The following GPM6B variants were observed in gnomAD, a reference collection of about 807,000 sequenced individuals.
GPM6B encodes the protein neuronal membrane glycoprotein M6-b.
A neutral mutation model predicts 27.2 loss-of-function variants in GPM6B; 4 were observed. The observed-to-expected ratio is 0.15, with a 90% CI of 0.07 to 0.34. GPM6B has a LOEUF of 0.34. GPM6B is among the 10% of genes least tolerant of loss of function. The pLI is 1.00. For synonymous variants in GPM6B, 124 were observed against 103.1 expected (o/e 1.20, Z -1.23); for missense variants, 183 against 261.9 (o/e 0.70, Z 2.08).
chrX:13,788,012 A>G (rs998007490), intron 2 of GPM6B, among the ~76,000 whole-genome samples: 36 of 112,315 alleles, frequency 3.2e-4, no homozygotes, highest in African/African-American at 1.0e-3. Context: ...ATAAAATGAA[A>G]ATTTCAGGTC....
chrX:13,803,108 G>C (rs903622568), intron 2 of GPM6B, among the ~76,000 whole-genome samples: 1 of 111,874 alleles, frequency 8.9e-6, no homozygotes, highest in African/African-American at 3.2e-5. Flanking sequence ...AAATCCAGTA[G>C]CATTTCCCAG....
At chrX:13,786,632 T>G (rs1167115061) in intron 2 of GPM6B, among the ~76,000 whole-genome samples, 1 of 109,534 alleles carries the variant, frequency 9.1e-6, no homozygotes, top group Non-Finnish European at 1.9e-5. Context: ...CCAGAACTGG[T>G]GGGTGATATT....
intron 1 of GPM6B, among the ~76,000 whole-genome samples, chrX:13,813,196 C>G (rs2147191604): frequency 9.1e-6 from 1 of 110,289 alleles, no homozygotes; most frequent in Non-Finnish European, 1.9e-5. Context: ...TTTAATCACA[C>G]AAGTCGTATA....
chrX:13,831,382 C>G (rs1372332137), intron 1 of GPM6B, among the ~76,000 whole-genome samples: 3 of 111,387 alleles, frequency 2.7e-5, no homozygotes. Flanking sequence ...GGCTCTGTCA[C>G]TTGCCAGTCA....
chrX:13,799,039 G>C (rs758186320), intron 2 of GPM6B, among the ~76,000 whole-genome samples: 5 of 111,278 alleles, frequency 4.5e-5, no homozygotes, highest in African/African-American at 1.6e-4. Flanking sequence ...ACTTGGTCTG[G>C]ATGTGGCTTC....
intron 1 of GPM6B, among the ~76,000 whole-genome samples, chrX:13,926,041 C>T (rs1371168665): frequency 1.0e-5 from 1 of 96,579 alleles, no homozygotes; most frequent in East Asian, 3.4e-4. Context: ...GGCAACAGAG[C>T]GAGACTCCAT....
chrX:13,781,455 C>T (rs1477350506), intron 4 of GPM6B, among the ~76,000 whole-genome samples: 1 of 112,058 alleles, frequency 8.9e-6, no homozygotes, highest in Admixed American at 9.4e-5. Flanking sequence ...CAAGGAAATT[C>T]CTCGTGGACA....
intron 1 of GPM6B, among the ~76,000 whole-genome samples, chrX:13,860,524 A>T (rs1569266664): frequency 9.3e-6 from 1 of 107,720 alleles, no homozygotes; most frequent in Non-Finnish European, 1.9e-5. Context: ...ATTCTCGAGG[A>T]TTATCAACTC....
chrX:13,935,053 T>C (rs1247811413), intron 1 of GPM6B, among the ~76,000 whole-genome samples: 1 of 112,115 alleles, frequency 8.9e-6, no homozygotes, highest in East Asian at 2.8e-4. Flanking sequence ...AGAACTGCTC[T>C]AGACCAAAAT....
At chrX:13,865,122 GACT>G (rs752632493) in intron 1 of GPM6B, among the ~76,000 whole-genome samples, 5 of 111,398 alleles carry the variant, frequency 4.5e-5, no homozygotes, top group African/African-American at 1.3e-4. Context: ...AATAAAGGGG[GACT>G]ACTGTATGTG....
At chrX:13,804,076 G>A (rs952189864) in intron 2 of GPM6B, among the ~76,000 whole-genome samples, 4 of 111,508 alleles carry the variant, frequency 3.6e-5, no homozygotes, top group African/African-American at 1.3e-4. Context: ...TGCTTCTCAA[G>A]CTTTAATGTG....
rs758333796 is a variant in GPM6B, at chrX:13,792,536, A to T, written c.182-6728T>A. On this transcript the variant is annotated intron_variant, in intron 2 of 7. Coordinates refer to ENST00000316715, the MANE Select transcript of GPM6B (RefSeq NM_001001995.3). ...CAGGGATGCTCCTAAACCTCCTAGAATACACAGGACAGCCCCCATCCCCAA... is the reference window on the plus strand; with the variant it reads ...CAGGGATGCTCCTAAACCTCCTAGATTACACAGGACAGCCCCCATCCCCAA... Among the ~76,000 whole-genome samples, 15 of 110,835 alleles carry T rather than the reference A, an allele frequency of 1.4e-4. No homozygotes were observed. In the South Asian group the frequency reaches 5.3e-3, roughly 39 times the overall value.
intron 1 of GPM6B, among the ~76,000 whole-genome samples, chrX:13,904,254 T>C (rs774715870): frequency 4.5e-5 from 5 of 112,090 alleles, no homozygotes; most frequent in Non-Finnish European, 9.4e-5. Context: ...AAAGTAGTGA[T>C]GAGTTTAATG....
intron 1 of GPM6B, among the ~76,000 whole-genome samples, chrX:13,833,243 T>C (rs1427095568): frequency 8.9e-6 from 1 of 111,927 alleles, no homozygotes; most frequent in African/African-American, 3.3e-5. Flanking sequence ...ACATTCATAA[T>C]TTCTACATCA....
chrX:13,932,178 C>T (rs1388296914), intron 1 of GPM6B, among the ~76,000 whole-genome samples: 1 of 111,101 alleles, frequency 9.0e-6, no homozygotes, highest in Non-Finnish European at 1.9e-5. Flanking sequence ...TCCCCACTCC[C>T]CCACATTGAG....
intron 1 of GPM6B, among the ~76,000 whole-genome samples, chrX:13,825,202 G>C (rs1054064748): frequency 9.0e-6 from 1 of 111,643 alleles, no homozygotes; most frequent in African/African-American, 3.3e-5. Flanking sequence ...ATTTTTTGAG[G>C]GGGGTGGGGG....
intron 1 of GPM6B, among the ~76,000 whole-genome samples, chrX:13,842,023 C>G (rs937067738): frequency 6.2e-5 from 7 of 112,179 alleles, no homozygotes; most frequent in Non-Finnish European, 1.3e-4. Context: ...TGTCATAGGT[C>G]TATGTCCCCC....
intron 1 of GPM6B, among the ~76,000 whole-genome samples, chrX:13,862,095 C>A (rs1035847825): frequency 1.8e-5 from 2 of 110,895 alleles, no homozygotes; most frequent in African/African-American, 6.6e-5. Flanking sequence ...GTGACAGGGT[C>A]ATGGATTAAG....
intron 1 of GPM6B, among the ~76,000 whole-genome samples, chrX:13,935,713 T>C (rs1008923609): frequency 1.6e-4 from 18 of 112,011 alleles, no homozygotes; most frequent in Non-Finnish European, 3.0e-4. Flanking sequence ...TGTTGGGCAA[T>C]GCAAGTTCCT....
Sources: allele counts gnomAD v4.1 joint callset (sites outside exome capture counted in the v4.1 genomes callset), GRCh38; gene constraint gnomAD v4.1.1; transcripts MANE v1.5; gene names NCBI Gene and HGNC (gene_info 2026-07-23, HGNC 2026-07-21).